The following SIRPA variants were observed in gnomAD, a reference collection of about 807,000 sequenced individuals.
The protein encoded by SIRPA is tyrosine-protein phosphatase non-receptor type substrate 1.
In SIRPA, 9 loss-of-function variants were observed where a neutral mutation model predicts 50.3. The observed-to-expected ratio is 0.18, with a 90% CI of 0.11 to 0.31. SIRPA has a LOEUF of 0.31. Among genes scored for constraint, SIRPA ranks in the 10% least tolerant of loss-of-function variants. The pLI is 1.00. For synonymous variants in SIRPA, 265 were observed against 284.1 expected, an observed-to-expected ratio of 0.93 and a Z score of 0.68; for missense variants, 474 against 661.6, an observed-to-expected ratio of 0.72 and a Z score of 3.11.
intron 1 of SIRPA, among the ~76,000 whole-genome samples, chr20:1,900,170 G>A (rs1489665353): frequency 1.4e-5 from 2 of 147,284 alleles, no homozygotes; most frequent in African/African-American, 5.1e-5. Context: ...GCGTGATCTC[G>A]GCTCAACGCA....
rs888823209 is a variant in SIRPA at position 1,934,078 on chromosome 20, T to C, written c.1227-637T>C. Among the ~76,000 whole-genome samples, 7 of 152,240 alleles carry C rather than the reference T, an allele frequency of 4.6e-5. No individual in the cohort carries two copies. The highest frequency in any genetic ancestry group is 7.2e-5 in the African/African-American group (3 of 41,458). ...AGTGTTATCCACACATTTTTCATAATTGAGATAATCCTACAGAGAATTTTC... is the reference window on the plus strand; with the variant it reads ...AGTGTTATCCACACATTTTTCATAACTGAGATAATCCTACAGAGAATTTTC... On this transcript the variant is annotated intron_variant, in intron 6 of 7. Transcript: ENST00000358771. The surrounding 1 kb of genome is among the most constrained non-coding windows in gnomAD (Gnocchi z 4.6).
intron 2 of SIRPA, among the ~76,000 whole-genome samples, chr20:1,920,315 C>T (rs6111988): frequency 0.17 from 26,271 of 152,200 alleles, 3,061 homozygotes; most frequent in African/African-American, 0.33. Flanking sequence ...ACTGTGCCCT[C>T]AAAATGTTTG....
Position 1,928,496 on chromosome 20 carries a change from A to G in SIRPA, c.1226+597A>G, listed in dbSNP as rs1986124256. ...GCTCAGGACCAGCTGGTGATATAGC[A>G]GTAAACAAGAATCAGCCCAGGCTTT... On this transcript the variant is annotated intron_variant, in intron 6 of 7. Transcript: ENST00000358771. The surrounding 1 kb of genome is among the most constrained non-coding windows in gnomAD (Gnocchi z 4.9). 1.3e-5 allele frequency among the ~76,000 whole-genome samples: 2 copies of G among 152,242 alleles called. No individual in the cohort carries two copies. Among genetic ancestry groups the G allele is most frequent in the Non-Finnish European group, 2.9e-5 (2 of 68,048 alleles).
At chr20:1,929,270 G>T (rs780870534) in intron 6 of SIRPA, among the ~76,000 whole-genome samples, 1 of 152,072 alleles carries the variant, frequency 6.6e-6, no homozygotes, top group Non-Finnish European at 1.5e-5. Flanking sequence ...ATGTGTAGGT[G>T]ACCATAGCGG....
chr20:1,896,854 C>T (rs2090523995), intron 1 of SIRPA, among the ~76,000 whole-genome samples: 1 of 130,596 alleles, frequency 7.7e-6, no homozygotes, highest in Non-Finnish European at 1.5e-5. Flanking sequence ...TGATACAGTT[C>T]ACGTCTCTCC....
chr20:1,908,829 A>G (rs957326762), intron 1 of SIRPA, among the ~76,000 whole-genome samples: 4 of 152,072 alleles, frequency 2.6e-5, no homozygotes, highest in Non-Finnish European at 5.9e-5. Context: ...TCTTTAATGC[A>G]CTCTTAATGT....
At chr20:1,913,119 G>A (rs1335761630) in intron 1 of SIRPA, among the ~76,000 whole-genome samples, 1 of 152,224 alleles carries the variant, frequency 6.6e-6, no homozygotes, top group African/African-American at 2.4e-5. Context: ...TGGACTTCCT[G>A]ATAATAAAAG....
intron 1 of SIRPA, among the ~76,000 whole-genome samples, chr20:1,911,109 A>G (rs559919868): frequency 2.0e-5 from 3 of 152,330 alleles, no homozygotes; most frequent in South Asian, 2.1e-4. Flanking sequence ...TTGTAATTCT[A>G]TACCATCATT....
chr20:1,910,108 C>T (rs77455987), intron 1 of SIRPA, among the ~76,000 whole-genome samples: 1,781 of 152,210 alleles, frequency 0.012, 35 homozygotes, highest in African/African-American at 0.04. Flanking sequence ...CAGATGTAAT[C>T]ATTTGAGTGA....
At chr20:1,929,567 G>A (rs1197706345) in intron 6 of SIRPA, among the ~76,000 whole-genome samples, 3 of 150,784 alleles carry the variant, frequency 2.0e-5, no homozygotes, top group African/African-American at 4.9e-5. Context: ...CAGGTGCCCC[G>A]CTCCTGCCCA....
At chr20:1,929,922 G>A (rs1161238054) in intron 6 of SIRPA, among the ~76,000 whole-genome samples, 1 of 152,058 alleles carries the variant, frequency 6.6e-6, no homozygotes, top group East Asian at 1.9e-4. Context: ...CAGTTGCCTT[G>A]AACAGTTTCA....
intron 1 of SIRPA, among the ~76,000 whole-genome samples, chr20:1,895,933 G>A (rs551140967): frequency 2.0e-5 from 3 of 152,334 alleles, no homozygotes; most frequent in South Asian, 4.1e-4. Context: ...TGACTTCAGG[G>A]TGTGAGGGGA....
intron 1 of SIRPA, among the ~76,000 whole-genome samples, chr20:1,905,274 C>G (rs558870700): frequency 1.3e-5 from 2 of 152,272 alleles, no homozygotes; most frequent in African/African-American, 4.8e-5. Context: ...CCTTGGCAAC[C>G]TGAGAATCCA....
At chr20:1,925,810 T>C (rs1463488374) in intron 5 of SIRPA, among the ~76,000 whole-genome samples, 1 of 152,232 alleles carries the variant, frequency 6.6e-6, no homozygotes, top group Non-Finnish European at 1.5e-5. Flanking sequence ...ATACATGTTC[T>C]CTTTCCCACT....
At position 1,938,255 on chromosome 20, in the gene SIRPA, C is replaced by A; in HGVS notation, c.*687C>A. On this transcript the variant is annotated 3_prime_UTR_variant, in exon 8 of 8. Coordinates refer to ENST00000358771, the MANE Select transcript of SIRPA (RefSeq NM_001040023.2). The stretch of plus-strand genomic sequence containing the variant: ...CTTCCTTGGGTCCCTCCAAGACTCC[C>A]TGGGGCCCAACTGTGTTGCTCCACC... 1 of 153,134 alleles carries A rather than the reference C, an allele frequency of 6.5e-6. No individual in the cohort carries two copies. The allele number at this position is 153,134 out of a possible 1,614,324, so 9.5% of individuals were successfully genotyped here.
At position 1,937,636 on chromosome 20, in the gene SIRPA, T is replaced by G; in HGVS notation, c.*68T>G. On this transcript the variant is annotated 3_prime_UTR_variant, in exon 8 of 8. Coordinates refer to ENST00000358771, the MANE Select transcript of SIRPA (RefSeq NM_001040023.2). The surrounding 1 kb of genome is among the most constrained non-coding windows in gnomAD (Gnocchi z 8.3). ...CTTGTCCCACAGGGAGCCGCCGTGA[T>G]GAGCACAGCCAACCCAGTTCCCGGA... The G allele has an allele frequency of 6.4e-7, 1 of 1,572,012 alleles. No individual in the cohort carries two copies. Among genetic ancestry groups the G allele is most frequent in the African/African-American group, 1.3e-5 (1 of 74,438 alleles).
upstream of SIRPA, chr20:1,895,229 A>C: frequency 2.5e-6 from 1 of 404,750 alleles, no homozygotes; most frequent in Non-Finnish European, 4.3e-6. Flanking sequence ...GGTCTCTCCC[A>C]GTCTCCGTCT....
intron 1 of SIRPA, among the ~76,000 whole-genome samples, chr20:1,906,470 G>C (rs1244483293): frequency 3.3e-5 from 5 of 152,156 alleles, no homozygotes; most frequent in Admixed American, 6.5e-5. Flanking sequence ...GCCAAGGAAG[G>C]CCTCTCAGAT....
chr20:1,905,039 G>T (rs1600399449), intron 1 of SIRPA, among the ~76,000 whole-genome samples: 1 of 152,292 alleles, frequency 6.6e-6, no homozygotes, highest in Middle Eastern at 3.4e-3. Context: ...TCCCAAATGG[G>T]TGACTGTTGA....
Sources: gnomAD v4.1 joint callset for allele counts (sites outside exome capture counted in the v4.1 genomes callset) on GRCh38, gnomAD v4.1.1 for gene constraint, Gnocchi (gnomAD v3.1) non-coding constraint, MANE v1.5 for transcripts, NCBI Gene and HGNC (gene_info 2026-07-23, HGNC 2026-07-21) for gene names.